The following CDH13 variants were observed in gnomAD, a reference collection of about 807,000 sequenced individuals.
CDH13 encodes cadherin-13.
In CDH13, 24 loss-of-function variants were observed where a neutral mutation model predicts 63.8. The ratio of observed to expected loss-of-function variants is 0.38; its 90% CI spans 0.27 to 0.53. The LOEUF is 0.53. Among genes scored for constraint, CDH13 ranks in the 20% least tolerant of loss-of-function variants. The pLI is 0.85. For synonymous variants in CDH13, 503 were observed against 355.3 expected (o/e 1.42, Z -4.67); for missense variants, 1,049 against 903.1 (o/e 1.16, Z -2.07).
chr16:83,524,816 A>G (rs987241096), intron 7 of CDH13, among the ~76,000 whole-genome samples: 1 of 152,088 alleles, frequency 6.6e-6, no homozygotes, highest in African/African-American at 2.4e-5. Context: ...TAGCACTGAG[A>G]GTGTCAAGTT....
chr16:83,693,690 T>C (rs981572965), intron 10 of CDH13, among the ~76,000 whole-genome samples: 6 of 152,214 alleles, frequency 3.9e-5, no homozygotes, highest in African/African-American at 1.4e-4. Context: ...GAACAACTGA[T>C]TTATGAACGT....
At chr16:82,707,449 T>G (rs1781377488) in intron 1 of CDH13, among the ~76,000 whole-genome samples, 1 of 152,176 alleles carries the variant, frequency 6.6e-6, no homozygotes, top group African/African-American at 2.4e-5. Flanking sequence ...AGAAGTATCC[T>G]CAAGGCACGG....
chr16:83,330,014 C>G (rs951481638), intron 5 of CDH13, among the ~76,000 whole-genome samples: 1 of 152,028 alleles, frequency 6.6e-6, no homozygotes, highest in Non-Finnish European at 1.5e-5. Flanking sequence ...CTTTTAAGAC[C>G]CTGCTTTCAA....
chr16:83,629,089 G>A (rs1326959475), intron 8 of CDH13, among the ~76,000 whole-genome samples: 1 of 152,080 alleles, frequency 6.6e-6, no homozygotes, highest in African/African-American at 2.4e-5. Flanking sequence ...AATGATTTTT[G>A]TATTTGTAAC....
intron 6 of CDH13, among the ~76,000 whole-genome samples, chr16:83,360,363 C>T (rs1277189158): frequency 6.6e-6 from 1 of 152,044 alleles, no homozygotes; most frequent in African/African-American, 2.4e-5. Flanking sequence ...CAGCAGGGCT[C>T]AATATATGGG....
intron 8 of CDH13, among the ~76,000 whole-genome samples, chr16:83,663,501 C>T (rs181536387): frequency 3.9e-5 from 6 of 152,250 alleles, no homozygotes; most frequent in South Asian, 2.1e-4. Flanking sequence ...AACACATGTA[C>T]GTTGTTTTCT....
intron 2 of CDH13, among the ~76,000 whole-genome samples, chr16:82,991,768 G>C (rs995490502): frequency 6.6e-6 from 1 of 152,132 alleles, no homozygotes. Context: ...TAAACTGAGA[G>C]AATTATAGAA....
intron 2 of CDH13, among the ~76,000 whole-genome samples, chr16:82,896,425 C>G (rs996243249): frequency 6.6e-6 from 1 of 151,556 alleles, no homozygotes; most frequent in African/African-American, 2.4e-5. Context: ...TCCTGAGAAG[C>G]TGGGACTACA....
chr16:82,709,785 C>T (rs2031772965), intron 1 of CDH13, among the ~76,000 whole-genome samples: 1 of 152,056 alleles, frequency 6.6e-6, no homozygotes, highest in Non-Finnish European at 1.5e-5. Context: ...CATCCTGTTT[C>T]CTGTGGCAGA....
intron 7 of CDH13, among the ~76,000 whole-genome samples, chr16:83,561,595 C>G (rs1353441444): frequency 2.0e-5 from 3 of 152,164 alleles, no homozygotes; most frequent in African/African-American, 4.8e-5. Flanking sequence ...CAGCACTGGT[C>G]TAAGCACTTT....
rs1248503044 is a variant in CDH13, at chr16:83,783,486, A to G, written c.2134+14A>G. On this transcript the variant is annotated intron_variant, in intron 13 of 13. Transcript: ENST00000567109. Reference sequence around the variant, plus strand: ...TCAGCTTAGCTTGTAAGTTGACCTAACTCCAGTGCATGCACAAACAGGAAA... The same window carrying G: ...TCAGCTTAGCTTGTAAGTTGACCTAGCTCCAGTGCATGCACAAACAGGAAA... 6.2e-7 allele frequency: 1 copy of G among 1,600,430 alleles called. No homozygotes were observed. Among genetic ancestry groups the G allele is most frequent in the African/African-American group, 1.3e-5 (1 of 74,554 alleles).
At chr16:83,279,768 G>T (rs753483566) in intron 5 of CDH13, among the ~76,000 whole-genome samples, 2 of 151,900 alleles carry the variant, frequency 1.3e-5, no homozygotes, top group Non-Finnish European at 2.9e-5. Flanking sequence ...TAATATAGGC[G>T]TAGCTCAGAG....
intron 8 of CDH13, among the ~76,000 whole-genome samples, chr16:83,649,811 C>T (rs1304030610): frequency 6.6e-6 from 1 of 152,182 alleles, no homozygotes; most frequent in East Asian, 1.9e-4. Context: ...CTAGAGCCCA[C>T]TTTGCAGCTT....
At chr16:83,400,613 T>G (rs2091953952) in intron 6 of CDH13, among the ~76,000 whole-genome samples, 1 of 152,220 alleles carries the variant, frequency 6.6e-6, no homozygotes, top group South Asian at 2.1e-4. Context: ...TGCACCAACC[T>G]AATACAAACC....
chr16:82,679,984 A>T (rs533883733), intron 1 of CDH13, among the ~76,000 whole-genome samples: 6 of 152,304 alleles, frequency 3.9e-5, no homozygotes, highest in African/African-American at 1.2e-4. Context: ...AAGGACAAGG[A>T]AGACCACCAC....
chr16:83,144,853 C>T (rs2036680213), intron 4 of CDH13, among the ~76,000 whole-genome samples: 2 of 152,312 alleles, frequency 1.3e-5, no homozygotes, highest in South Asian at 4.1e-4. Context: ...TGGAAATGGC[C>T]TTCTCTCCTA....
At chr16:83,156,495 G>A (rs1177576710) in intron 4 of CDH13, among the ~76,000 whole-genome samples, 1 of 152,168 alleles carries the variant, frequency 6.6e-6, no homozygotes, top group Non-Finnish European at 1.5e-5. Flanking sequence ...TTAGGGGAGT[G>A]ATTGCCTGTG....
chr16:83,404,347 C>A (rs2092010729), intron 6 of CDH13, among the ~76,000 whole-genome samples: 1 of 152,222 alleles, frequency 6.6e-6, no homozygotes, highest in Admixed American at 6.5e-5. Context: ...GACCTTGTTT[C>A]TTCTCCCAAC....
At chr16:83,776,272 T>A (rs987051194) in intron 11 of CDH13, among the ~76,000 whole-genome samples, 1 of 152,210 alleles carries the variant, frequency 6.6e-6, no homozygotes, top group Admixed American at 6.5e-5. Flanking sequence ...CATAATATAT[T>A]CAGAGTGAAA....
Sources: gnomAD v4.1 joint callset for allele counts (sites outside exome capture counted in the v4.1 genomes callset) on GRCh38, gnomAD v4.1.1 for gene constraint, MANE v1.5 for transcripts, NCBI Gene and HGNC (gene_info 2026-07-23, HGNC 2026-07-21) for gene names.